The following ZNF487 variants were observed in gnomAD, a reference collection of about 807,000 sequenced individuals.
The protein encoded by ZNF487 is zinc finger protein 487.
A neutral mutation model predicts 3.0 loss-of-function variants in ZNF487; 4 were observed. The observed-to-expected ratio is 1.35, with a 90% CI of 0.66 to 3.08. The LOEUF (loss-of-function observed/expected upper bound fraction) is 3.08, where lower values mean the gene tolerates loss of function less well. Ranked by LOEUF, ZNF487 falls within the 30% of genes most tolerant of loss-of-function variation. The pLI is 0.01. For synonymous variants in ZNF487, 55 were observed against 34.6 expected (o/e 1.59, Z -2.06); for missense variants, 146 against 98.7 (o/e 1.48, Z -2.03).
intron 3 of ZNF487, among the ~76,000 whole-genome samples, chr10:43,477,520 G>A (rs1458524513): frequency 4.6e-5 from 7 of 151,830 alleles, no homozygotes; most frequent in Middle Eastern, 3.4e-3. Context: ...TTGTTAAGAC[G>A]AAATAATGTT....
At chr10:43,493,707 AAAAT>A in the ZNF487 span, among the ~76,000 whole-genome samples, 4 of 53,846 alleles carry the variant, frequency 7.4e-5, no homozygotes, top group Middle Eastern at 9.4e-3. Context: ...AAAAAAAAAA[AAAAT>A]ATATATATAT....
At chr10:43,471,335 G>A (rs1166781752) in intron 1 of ZNF487, among the ~76,000 whole-genome samples, 1 of 152,174 alleles carries the variant, frequency 6.6e-6, no homozygotes, top group Admixed American at 6.5e-5. Flanking sequence ...CGGTGCCAAG[G>A]CGAGGGTGCC....
the ZNF487 span, among the ~76,000 whole-genome samples, chr10:43,490,726 G>A: frequency 6.7e-6 from 1 of 148,752 alleles, no homozygotes; most frequent in Non-Finnish European, 1.5e-5. Flanking sequence ...CCAGGCTGGA[G>A]TGCAATGGCA....
At chr10:43,490,068 G>C in the ZNF487 span, among the ~76,000 whole-genome samples, 1 of 152,204 alleles carries the variant, frequency 6.6e-6, no homozygotes, top group Non-Finnish European at 1.5e-5. Context: ...GAAGGATTGA[G>C]GCCGGCGTGG....
At chr10:43,523,211 A>G in the ZNF487 span, 1 of 152,346 alleles carries the variant, frequency 6.6e-6, no homozygotes, top group African/African-American at 2.4e-5. Flanking sequence ...GTTAATATTT[A>G]TAAGATATGG....
chr10:43,495,325 C>T, the ZNF487 span, among the ~76,000 whole-genome samples: 1 of 151,604 alleles, frequency 6.6e-6, no homozygotes, highest in African/African-American at 2.4e-5. Context: ...CTCACTGCAA[C>T]CTCCGCCTCC....
the ZNF487 span, among the ~76,000 whole-genome samples, chr10:43,520,763 T>C: frequency 6.6e-6 from 1 of 152,168 alleles, no homozygotes; most frequent in Non-Finnish European, 1.5e-5. Context: ...AGGCTAACAT[T>C]GAAAGGCCCA....
intron 1 of ZNF487, among the ~76,000 whole-genome samples, chr10:43,469,109 C>G (rs1840815305): frequency 6.6e-6 from 1 of 151,902 alleles, no homozygotes; most frequent in Admixed American, 6.6e-5. Flanking sequence ...CAAACCACCA[C>G]TAGCAGTCAT....
At chr10:43,490,399 G>C in the ZNF487 span, among the ~76,000 whole-genome samples, 1 of 149,018 alleles carries the variant, frequency 6.7e-6, no homozygotes, top group Non-Finnish European at 1.5e-5. Context: ...CAAACAAACA[G>C]ATTTTCTCCC....
chr10:43,482,250 T>A lies in ZNF487; in HGVS notation c.*328T>A. 1 of 405,922 alleles carries A rather than the reference T, an allele frequency of 2.5e-6. No individual in the cohort carries two copies. The highest frequency in any genetic ancestry group is 2.0e-5 in the African/African-American group (1 of 49,006). 25.1% of individuals were successfully genotyped at this position (405,922 alleles called of 1,614,324 possible). A position where few individuals can be genotyped will look rare whatever the true frequency, so the allele number is the denominator to read the frequency against. ...CATATAGGAAAGAATGCCTATAAAA[T>A]TAATCAGTATGCTAGTACATTTTGC... On this transcript the variant is annotated 3_prime_UTR_variant, in exon 4 of 4. Transcript: ENST00000437590.
downstream of ZNF487, among the ~76,000 whole-genome samples, chr10:43,485,361 A>C (rs1000154188): frequency 2.6e-5 from 4 of 152,236 alleles, no homozygotes; most frequent in African/African-American, 9.6e-5. Context: ...TGTAAATTTG[A>C]ATCTTTTTGA....
rs866095947 is a variant in ZNF487 at position 43,482,768 on chromosome 10, A to G, written c.*846A>G. 6.3e-6 allele frequency: 3 copies of G among 477,882 alleles called. No homozygotes were observed. The Middle Eastern group carries it at 1.0e-3, about 163-fold the overall frequency. The allele number at this position is 477,882 out of a possible 1,614,324, so 29.6% of individuals were successfully genotyped here. The stretch of plus-strand genomic sequence containing the variant: ...CCTTTGAATGCAATGAATGTCAAAA[A>G]TCCTTCTCTGTGAAGTCAAAACTTA... On this transcript the variant is annotated 3_prime_UTR_variant, in exon 4 of 4. Coordinates refer to ENST00000437590, the MANE Select transcript of ZNF487 (RefSeq NM_001355444.3).
chr10:43,451,467 A>G (rs1240615700), intron 1 of ZNF487, among the ~76,000 whole-genome samples: 1 of 150,622 alleles, frequency 6.6e-6, no homozygotes, highest in Non-Finnish European at 1.5e-5. Flanking sequence ...CTGGTCTCGA[A>G]GTCCTGATCT....
rs145882291 is a variant in ZNF487, at chr10:43,466,380, G to C, written c.-93-9341G>C. ...TTATAGCATGGTTTACTGAATTTTT[G>C]TTTTCTTTTCTTTTTTTCTTTCTTT... On this transcript the variant is annotated intron_variant, in intron 1 of 3. Transcript: ENST00000437590. Among the ~76,000 whole-genome samples, 740 of 150,428 alleles carry C rather than the reference G, an allele frequency of 4.9e-3. 8 individuals carry two copies. The highest frequency in any genetic ancestry group is 0.017 in the African/African-American group (707 of 41,036).
the ZNF487 span, among the ~76,000 whole-genome samples, chr10:43,521,287 T>TA: frequency 1.3e-5 from 2 of 152,234 alleles, no homozygotes; most frequent in Admixed American, 6.5e-5. Context: ...ATATAGCTGA[T>TA]TTATTAATAT....
chr10:43,457,295 C>T (rs1219194746), intron 1 of ZNF487, among the ~76,000 whole-genome samples: 4 of 151,878 alleles, frequency 2.6e-5, no homozygotes, highest in African/African-American at 4.8e-5. Flanking sequence ...CGGTGGCTAA[C>T]GCCTGTAATC....
At chr10:43,450,848 T>C (rs960964712) in intron 1 of ZNF487, among the ~76,000 whole-genome samples, 23 of 152,218 alleles carry the variant, frequency 1.5e-4, no homozygotes, top group Non-Finnish European at 2.4e-4. Context: ...TATTTCCTCG[T>C]CTCTAAAGGT....
intron 1 of ZNF487, among the ~76,000 whole-genome samples, chr10:43,446,905 T>C (rs898318704): frequency 5.9e-5 from 9 of 151,882 alleles, no homozygotes; most frequent in Admixed American, 2.0e-4. Flanking sequence ...CTGGGCAACA[T>C]TGAGCACTGA....
chr10:43,509,280 CT>C, the ZNF487 span, among the ~76,000 whole-genome samples: 16 of 147,198 alleles, frequency 1.1e-4, 1 homozygote, highest in African/African-American at 4.0e-4. Flanking sequence ...CCTTTTTAAC[CT>C]GGAAAGCATG....
Sources: allele counts gnomAD v4.1 joint callset (sites outside exome capture counted in the v4.1 genomes callset), GRCh38; gene constraint gnomAD v4.1.1; transcripts MANE v1.5; gene names NCBI Gene and HGNC (gene_info 2026-07-23, HGNC 2026-07-21).